SLC35F3: variants seen among roughly 807,000 people sequenced by gnomAD.
The protein encoded by SLC35F3 is putative thiamine transporter SLC35F3.
SLC35F3 carries 25 observed loss-of-function variants against 49.9 expected under a neutral mutation model. That is an observed-to-expected ratio of 0.50 (90% confidence interval 0.37 to 0.70). SLC35F3 has a LOEUF of 0.70. SLC35F3 is among the 30% of genes least tolerant of loss of function. The probability of loss-of-function intolerance (pLI) is 0.00; values close to 1 mark genes in which losing one functional copy is unlikely to be tolerated. For synonymous variants in SLC35F3, 275 were observed against 265.4 expected (o/e 1.04, Z -0.35); for missense variants, 525 against 639.8 (o/e 0.82, Z 1.94).
intron 2 of SLC35F3, among the ~76,000 whole-genome samples, chr1:234,028,023 G>T (rs899873512): frequency 6.6e-6 from 1 of 152,088 alleles, no homozygotes; most frequent in Non-Finnish European, 1.5e-5. Context: ...TAATAAATTC[G>T]GGTAAAACTA....
chr1:234,242,657 C>G (rs931552869), intron 3 of SLC35F3, among the ~76,000 whole-genome samples: 2 of 152,194 alleles, frequency 1.3e-5, no homozygotes, highest in Non-Finnish European at 2.9e-5. Flanking sequence ...ACCTCCTAGG[C>G]TGGATTCTTT....
At chr1:234,239,700 C>G (rs1667524192) in intron 3 of SLC35F3, among the ~76,000 whole-genome samples, 1 of 152,204 alleles carries the variant, frequency 6.6e-6, no homozygotes, top group African/African-American at 2.4e-5. Context: ...GGTGCCTGGG[C>G]AGGTTGGAGC....
intron 2 of SLC35F3, among the ~76,000 whole-genome samples, chr1:234,114,248 T>G (rs560985276): frequency 6.6e-6 from 1 of 152,264 alleles, no homozygotes; most frequent in Non-Finnish European, 1.5e-5. Context: ...AGATAATGAG[T>G]TTTTGCTTAA....
chr1:234,304,353 G>C (rs1668745022), intron 3 of SLC35F3, among the ~76,000 whole-genome samples: 1 of 152,026 alleles, frequency 6.6e-6, no homozygotes, highest in Non-Finnish European at 1.5e-5. Context: ...AGTAGAGGCA[G>C]GGTTTCACCA....
At chr1:233,908,069 A>G (rs1661804865) in intron 2 of SLC35F3, among the ~76,000 whole-genome samples, 1 of 152,028 alleles carries the variant, frequency 6.6e-6, no homozygotes, top group Admixed American at 6.5e-5. Flanking sequence ...TGCCATTTCT[A>G]CTCAATTGAT....
intron 2 of SLC35F3, among the ~76,000 whole-genome samples, chr1:233,920,557 G>A (rs923525700): frequency 2.0e-5 from 3 of 152,234 alleles, no homozygotes; most frequent in Non-Finnish European, 2.9e-5. Context: ...ACTCTAAGGT[G>A]AGCACCAGGT....
At chr1:234,195,639 C>T (rs1024561301) in intron 2 of SLC35F3, among the ~76,000 whole-genome samples, 5 of 152,080 alleles carry the variant, frequency 3.3e-5, no homozygotes, top group Non-Finnish European at 5.9e-5. Context: ...ATCCTGAAAA[C>T]CCATTAATAC....
chr1:234,072,635 G>A (rs554157790), intron 2 of SLC35F3, among the ~76,000 whole-genome samples: 5 of 152,288 alleles, frequency 3.3e-5, no homozygotes, highest in African/African-American at 1.2e-4. Context: ...AAGGGGTGGG[G>A]GGCTGTGGAT....
intron 2 of SLC35F3, among the ~76,000 whole-genome samples, chr1:233,926,747 C>G (rs1662166953): frequency 6.6e-6 from 1 of 152,166 alleles, no homozygotes; most frequent in Admixed American, 6.5e-5. Flanking sequence ...CTTTTCTTCT[C>G]TGGTTTCTCC....
intron 2 of SLC35F3, among the ~76,000 whole-genome samples, chr1:234,047,791 T>C (rs765575593): frequency 1.8e-4 from 27 of 152,268 alleles, no homozygotes; most frequent in Non-Finnish European, 3.2e-4. Flanking sequence ...TTGAGGACCA[T>C]GCTAGTAAAA....
intron 3 of SLC35F3, among the ~76,000 whole-genome samples, chr1:234,264,753 G>C (rs1219029257): frequency 1.3e-5 from 2 of 151,988 alleles, no homozygotes; most frequent in Admixed American, 1.3e-4. Context: ...GGGTCTTTCT[G>C]TGTTGCACAG....
At chr1:234,012,432 C>T (rs956703802) in intron 2 of SLC35F3, among the ~76,000 whole-genome samples, 10 of 152,188 alleles carry the variant, frequency 6.6e-5, no homozygotes, top group African/African-American at 2.4e-4. Flanking sequence ...TCTCATCCCA[C>T]GAGGCCATAT....
chr1:234,060,278 T>C (rs1558217861), intron 2 of SLC35F3, among the ~76,000 whole-genome samples: 1 of 152,280 alleles, frequency 6.6e-6, no homozygotes, highest in East Asian at 1.9e-4. Flanking sequence ...TACTGAAGTC[T>C]TCTACTTCTT....
chr1:234,139,724 C>T (rs113375884), intron 2 of SLC35F3, among the ~76,000 whole-genome samples: 1 of 151,744 alleles, frequency 6.6e-6, no homozygotes, highest in Middle Eastern at 3.4e-3. Flanking sequence ...CCGAGGTGGG[C>T]GGATCATGAG....
intron 3 of SLC35F3, among the ~76,000 whole-genome samples, chr1:234,297,611 G>C (rs75690889): frequency 0.023 from 3,529 of 152,240 alleles, 134 homozygotes; most frequent in African/African-American, 0.08. Context: ...GGGCACAGTG[G>C]CTCACGCCTG....
At chr1:234,119,998 A>G (rs1572059267) in intron 2 of SLC35F3, among the ~76,000 whole-genome samples, 1 of 152,148 alleles carries the variant, frequency 6.6e-6, no homozygotes, top group Non-Finnish European at 1.5e-5. Context: ...GCTTCATGGC[A>G]CCTTCCACTG....
At position 234,214,535 on chromosome 1, in the gene SLC35F3, G is replaced by T; in HGVS notation, c.284-16882G>T. The T allele has an allele frequency of 6.4e-7, 1 of 1,558,690 alleles. No individual in the cohort carries two copies. The highest frequency in any genetic ancestry group is 8.7e-7 in the Non-Finnish European group (1 of 1,154,808). The stretch of plus-strand genomic sequence containing the variant: ...CTCGGCCCGGGTGGCCCCGCTCAGC[G>T]CCTGCAACAGTCCGGTCCTGACCCT... On this transcript the variant is annotated intron_variant, in intron 2 of 7. Transcript: ENST00000366618. This position sits in a 1 kb window ranked among gnomAD's most constrained non-coding sequence, Gnocchi z 8.0.
At chr1:233,956,320 C>T (rs1298026911) in intron 2 of SLC35F3, among the ~76,000 whole-genome samples, 2 of 151,166 alleles carry the variant, frequency 1.3e-5, no homozygotes, top group African/African-American at 4.8e-5. Context: ...GCACCCTCTT[C>T]ATACACACAC....
At chr1:234,055,236 C>G (rs1053381181) in intron 2 of SLC35F3, among the ~76,000 whole-genome samples, 9 of 152,084 alleles carry the variant, frequency 5.9e-5, no homozygotes, top group Non-Finnish European at 1.2e-4. Flanking sequence ...TGCCCTGCCC[C>G]CAGAGGTCTA....
Sources: allele counts gnomAD v4.1 joint callset (sites outside exome capture counted in the v4.1 genomes callset), GRCh38; gene constraint gnomAD v4.1.1; non-coding constraint Gnocchi (gnomAD v3.1); transcripts MANE v1.5; gene names NCBI Gene and HGNC (gene_info 2026-07-23, HGNC 2026-07-21).